The following WSCD2 variants were observed in gnomAD, a reference collection of about 807,000 sequenced individuals.
WSCD2 encodes the protein WSC domain sialate O sulfotransferase 2.
Under a neutral mutation model 55.7 loss-of-function variants are expected in WSCD2, and 28 were observed. The observed-to-expected ratio is 0.50, with a 90% CI of 0.37 to 0.69. The LOEUF is 0.69. Among genes scored for constraint, WSCD2 ranks in the 30% least tolerant of loss-of-function variants. WSCD2 has a pLI of 0.00. For synonymous variants in WSCD2, 301 were observed against 301.9 expected (o/e 1.00, Z 0.03); for missense variants, 616 against 762.1 (o/e 0.81, Z 2.26).
At chr12:108,180,050 C>CAAAAAAAAAAAAAA (rs59925486) in intron 1 of WSCD2, among the ~76,000 whole-genome samples, 21 of 116,660 alleles carry the variant, frequency 1.8e-4, no homozygotes, top group Admixed American at 2.8e-4. Context: ...CTCAAAAAAA[C>CAAAAAAAAAAAAAA]AAAAAAAAAA....
intron 1 of WSCD2, among the ~76,000 whole-genome samples, chr12:108,165,356 C>A (rs1258420313): frequency 3.3e-5 from 5 of 152,158 alleles, no homozygotes; most frequent in African/African-American, 1.2e-4. Context: ...ATTGTGCATA[C>A]CCAGGCTCTG....
At chr12:108,179,087 GT>G (rs1005910396) in intron 1 of WSCD2, among the ~76,000 whole-genome samples, 2 of 152,056 alleles carry the variant, frequency 1.3e-5, no homozygotes, top group African/African-American at 4.8e-5. Context: ...CAAACTCTGA[GT>G]TTTTTTTCCG....
At chr12:108,233,008 C>A in intron 7 of WSCD2, 113 bp downstream of exon 7, 1 of 1,398,218 alleles carries the variant, frequency 7.2e-7, no homozygotes, top group Non-Finnish European at 9.6e-7. Context: ...CCACTCAGCT[C>A]TCCCAGGCAC....
chr12:108,193,646 C>T (rs577129641), intron 1 of WSCD2, among the ~76,000 whole-genome samples: 9 of 151,148 alleles, frequency 6.0e-5, no homozygotes, highest in Non-Finnish European at 8.8e-5. Flanking sequence ...GATGGGTTAA[C>T]GAATGGATGG....
chr12:108,249,356 C>A lies in WSCD2; in HGVS notation c.*1013C>A, dbSNP rs532142024. 2.0e-5 allele frequency: 3 copies of A among 152,678 alleles called. No individual in the cohort carries two copies. In the South Asian group the frequency reaches 6.2e-4, roughly 32 times the overall value. The allele number at this position is 152,678 out of a possible 1,614,324, so 9.5% of individuals were successfully genotyped here. A position where few individuals can be genotyped will look rare whatever the true frequency, so the allele number is the denominator to read the frequency against. ...CCCAGACCATATATCTCCCCTTGAT[C>A]ATAGTCCAACAGGGCCAGCTTCCCT... On this transcript the variant is annotated 3_prime_UTR_variant, in exon 9 of 9. Transcript: ENST00000547525.
intron 1 of WSCD2, among the ~76,000 whole-genome samples, chr12:108,192,161 G>T (rs1883251367): frequency 6.6e-6 from 1 of 152,198 alleles, no homozygotes; most frequent in Non-Finnish European, 1.5e-5. Context: ...TGTCTCACAT[G>T]TGCCCTTGAG....
Position 108,165,123 on chromosome 12 carries a change from G to T in WSCD2, c.-551-30159G>T, listed in dbSNP as rs10047635. On this transcript the variant is annotated intron_variant, in intron 1 of 8. Coordinates refer to ENST00000547525, the MANE Select transcript of WSCD2 (RefSeq NM_014653.4). ...TAAGGGATCAGAGGGCAAGGGAAAA[G>T]ATTTAGGAGTGGTGGGTTGGCAGGG... Among the ~76,000 whole-genome samples the T allele has an allele frequency of 7.1e-3, 1,079 of 152,318 alleles. 11 individuals are homozygous for T. The highest frequency in any genetic ancestry group is 0.023 in the African/African-American group (970 of 41,566).
chr12:108,221,925 G>A (rs1003368574), intron 4 of WSCD2, among the ~76,000 whole-genome samples: 4 of 152,204 alleles, frequency 2.6e-5, no homozygotes, highest in Non-Finnish European at 5.9e-5. Context: ...GACCCAGAAA[G>A]CTAAGACAGC....
chr12:108,229,106 G>T (rs1426367), intron 6 of WSCD2, among the ~76,000 whole-genome samples: 112,624 of 151,984 alleles, frequency 0.74, 41,842 homozygotes, highest in East Asian at 0.86. Context: ...CTTCCATTTT[G>T]CCACGTCACT....
At position 108,240,502 on chromosome 12, in the gene WSCD2, G is replaced by T; in HGVS notation, c.1303G>T (p.Gly435Cys). The T allele has an allele frequency of 6.2e-7, 1 of 1,612,516 alleles. No individual in the cohort carries two copies. ...GGCTGAGTTCAACCGCAAGTACGGCGGCCACATAGGCTTTGCTGCGCATGC... is the reference window on the plus strand; with the variant it reads ...GGCTGAGTTCAACCGCAAGTACGGCTGCCACATAGGCTTTGCTGCGCATGC... ...LMAEFNRKYG[G>C]HIGFAAHAHW... The change falls in exon 8 of 9, where the codon GGC (glycine) becomes TGC (cysteine). Residue 435 changes from glycine (G) to cysteine (C), a missense_variant. Physicochemically the swap from Gly to Cys is radical, Grantham distance 159. This residue lies in a region of WSCD2 where 234 missense variants were observed against 264.6 expected (regional missense o/e 0.88). Coordinates refer to ENST00000547525, the MANE Select transcript of WSCD2 (RefSeq NM_014653.4).
chr12:108,179,630 T>C (rs941752447), intron 1 of WSCD2, among the ~76,000 whole-genome samples: 1 of 152,184 alleles, frequency 6.6e-6, no homozygotes, highest in Non-Finnish European at 1.5e-5. Context: ...GGCAATGAGC[T>C]AGCCATAGAG....
At chr12:108,170,450 T>C (rs1203559124) in intron 1 of WSCD2, among the ~76,000 whole-genome samples, 1 of 152,124 alleles carries the variant, frequency 6.6e-6, no homozygotes, top group East Asian at 1.9e-4. Context: ...ACAACAATGA[T>C]GATGATGATG....
chr12:108,183,692 A>G (rs1882096986), intron 1 of WSCD2, among the ~76,000 whole-genome samples: 2 of 152,226 alleles, frequency 1.3e-5, no homozygotes, highest in South Asian at 4.2e-4. Flanking sequence ...AAGCCTCCAA[A>G]TCACTCCACT....
At chr12:108,213,851 G>T (rs1442556629) in intron 4 of WSCD2, among the ~76,000 whole-genome samples, 5 of 152,118 alleles carry the variant, frequency 3.3e-5, no homozygotes, top group African/African-American at 1.2e-4. Context: ...CTGGAATTTG[G>T]TTCAGAACAC....
chr12:108,177,300 G>A (rs1261803555), intron 1 of WSCD2, among the ~76,000 whole-genome samples: 1 of 152,196 alleles, frequency 6.6e-6, no homozygotes, highest in Non-Finnish European at 1.5e-5. Flanking sequence ...ATGAAGTAAT[G>A]TGGAGAGAGC....
At chr12:108,227,920 G>C (rs1319577470) in intron 6 of WSCD2, among the ~76,000 whole-genome samples, 1 of 152,060 alleles carries the variant, frequency 6.6e-6, no homozygotes, top group Non-Finnish European at 1.5e-5. Context: ...AAGAGGAGGA[G>C]GCAGCAACAC....
chr12:108,158,145 T>C (rs1220656438), intron 1 of WSCD2, among the ~76,000 whole-genome samples: 2 of 152,274 alleles, frequency 1.3e-5, no homozygotes, highest in Middle Eastern at 3.4e-3. Flanking sequence ...TCAGTGGCCA[T>C]ACACCTCTGG....
rs781777815 is a variant in WSCD2 at position 108,224,872 on chromosome 12, G to A, written c.804+12G>A. On this transcript the variant is annotated intron_variant, in intron 5 of 8. Transcript: ENST00000547525. Reference sequence around the variant, plus strand: ...TCTGCACTGAGAAGGTGAGCACAAGGTGGGGCCCATGGAACTCAGGGGGAG... The same window carrying A: ...TCTGCACTGAGAAGGTGAGCACAAGATGGGGCCCATGGAACTCAGGGGGAG... The A allele has an allele frequency of 1.9e-6, 3 of 1,611,424 alleles. No homozygotes were observed. Among genetic ancestry groups the A allele is most frequent in the Admixed American group, 1.7e-5 (1 of 59,784 alleles).
rs541696616 is a variant in WSCD2, at chr12:108,199,687, CA to C, written c.382+3474del. Among the ~76,000 whole-genome samples the C allele has an allele frequency of 1.9e-3, 294 of 152,354 alleles. 3 individuals are homozygous for C. The highest frequency in any genetic ancestry group is 6.7e-3 in the African/African-American group (278 of 41,578). Reference sequence around the variant, plus strand: ...CAAAGCATTTACATCTATTACATCACATAATCTTCATAGTAATGAAGGAAGA... The same window carrying C: ...CAAAGCATTTACATCTATTACATCACTAATCTTCATAGTAATGAAGGAAGA... On this transcript the variant is annotated intron_variant, in intron 2 of 8. Coordinates refer to ENST00000547525, the MANE Select transcript of WSCD2 (RefSeq NM_014653.4).
Sources: gnomAD v4.1 joint callset for allele counts (sites outside exome capture counted in the v4.1 genomes callset) on GRCh38, gnomAD v4.1.1 for gene constraint, gnomAD v4.1.1 regional missense constraint, MANE v1.5 for transcripts, NCBI Gene and HGNC (gene_info 2026-07-23, HGNC 2026-07-21) for gene names.